The following KANK1 variants were observed in gnomAD, a reference collection of about 807,000 sequenced individuals.
The protein encoded by KANK1 is KN motif and ankyrin repeat domains 1.
A neutral mutation model predicts 106.2 loss-of-function variants in KANK1; 109 were observed. The ratio of observed to expected loss-of-function variants is 1.03; its 90% CI spans 0.88 to 1.20. The LOEUF (loss-of-function observed/expected upper bound fraction) is 1.20, where lower values mean the gene tolerates loss of function less well. Ranked by LOEUF, KANK1 falls within the 50% of genes most tolerant of loss-of-function variation. The pLI is 0.00. For missense variants in KANK1, 2,399 were observed against 1,710.7 expected, an observed-to-expected ratio of 1.40 and a Z score of -7.10; for synonymous variants, 873 against 652.2, an observed-to-expected ratio of 1.34 and a Z score of -5.16.
At chr9:560,480 T>C (rs1816101684) in intron 1 of KANK1, among the ~76,000 whole-genome samples, 2 of 152,156 alleles carry the variant, frequency 1.3e-5, no homozygotes, top group Admixed American at 1.3e-4. Context: ...GGTACAGGAA[T>C]TGAAGGTTGG....
Position 683,946 on chromosome 9 carries a change from G to A in KANK1, c.37+6937G>A, listed in dbSNP as rs114980203. 3.7e-3 allele frequency among the ~76,000 whole-genome samples: 557 copies of A among 152,246 alleles called. 9 individuals are homozygous for A. Among genetic ancestry groups the A allele is most frequent in the African/African-American group, 0.013 (545 of 41,536 alleles). On this transcript the variant is annotated intron_variant, in intron 2 of 11. Transcript: ENST00000382297. ...TAGTGGTGGTGTTTGAGAAGATAAT[G>A]TAACTACTTCTTAGATTTCAATTTC...
intron 2 of KANK1, among the ~76,000 whole-genome samples, chr9:697,653 A>T (rs555333418): frequency 6.6e-6 from 1 of 152,262 alleles, no homozygotes; most frequent in Admixed American, 6.5e-5. Context: ...TTCCTTGTAT[A>T]TATTAGTTGG....
At chr9:633,564 A>G (rs1272005824) in intron 1 of KANK1, among the ~76,000 whole-genome samples, 2 of 152,192 alleles carry the variant, frequency 1.3e-5, no homozygotes, top group Non-Finnish European at 2.9e-5. Context: ...CTGTCTGTCC[A>G]TAGCATTGTA....
intron 1 of KANK1, among the ~76,000 whole-genome samples, chr9:559,234 A>T (rs549965210): frequency 6.6e-6 from 1 of 152,182 alleles, no homozygotes; most frequent in Admixed American, 6.5e-5. Flanking sequence ...AGTTAATGGT[A>T]GTTGCCATTT....
rs763953622 is a variant in KANK1 at position 738,376 on chromosome 9, C to A, written c.3425C>A (p.Ala1142Asp). Reference sequence around the variant, plus strand: ...GCCATGGTGGGGGACTACATAGCTGCTTTTGAGGCCATTTCCCCAGATGTC... The same window carrying A: ...GCCATGGTGGGGGACTACATAGCTGATTTTGAGGCCATTTCCCCAGATGTC... ...IPAMVGDYIAAFEAISPDVLR... is the reference protein window; with the variant it reads ...IPAMVGDYIADFEAISPDVLR... The change falls in exon 8 of 12, where the codon GCT (alanine) becomes GAT (aspartate). Residue 1142 changes from alanine (A) to aspartate (D), a missense_variant. Transcript: ENST00000382297. 4 of 1,614,116 alleles carry A rather than the reference C, an allele frequency of 2.5e-6. No homozygotes were observed. In the Admixed American group the frequency reaches 5.0e-5, roughly 20 times the overall value.
intron 1 of KANK1, among the ~76,000 whole-genome samples, chr9:669,355 T>G (rs767509576): frequency 6.6e-6 from 1 of 152,220 alleles, no homozygotes; most frequent in Non-Finnish European, 1.5e-5. Flanking sequence ...TTTTTTCATT[T>G]CAGATTGAAG....
At chr9:743,703 A>C (rs1836348035) in intron 10 of KANK1, among the ~76,000 whole-genome samples, 1 of 148,116 alleles carries the variant, frequency 6.8e-6, no homozygotes, top group Non-Finnish European at 1.5e-5. Context: ...CCATCTCTAC[A>C]AAAAAAAAAT....
chr9:615,465 A>G lies in KANK1; in HGVS notation c.-83-61425A>G, dbSNP rs1831582184. Among the ~76,000 whole-genome samples, 5 of 152,140 alleles carry G rather than the reference A, an allele frequency of 3.3e-5. No homozygotes were observed. In the South Asian group the frequency reaches 1.0e-3, roughly 32 times the overall value. On this transcript the variant is annotated intron_variant, in intron 1 of 11. Transcript: ENST00000382297. ...TGATGGTTTGAGTACCCACATTTTA[A>G]AATTATGCTAGTTAAGAAGAGGGGG... is the stretch of plus-strand genomic sequence containing the variant.
intron 3 of KANK1, among the ~76,000 whole-genome samples, chr9:474,964 C>T (rs767683698): frequency 1.4e-4 from 21 of 152,068 alleles, no homozygotes; most frequent in Non-Finnish European, 2.6e-4. Flanking sequence ...AGGAGAGGGC[C>T]CCCCACCCTG....
chr9:557,742 C>T (rs1815207670), intron 1 of KANK1, among the ~76,000 whole-genome samples: 1 of 152,180 alleles, frequency 6.6e-6, no homozygotes, highest in African/African-American at 2.4e-5. Flanking sequence ...GTAAAAGGAC[C>T]TGTACGGCCA....
At chr9:517,826 C>T (rs1387950510) in intron 1 of KANK1, among the ~76,000 whole-genome samples, 5 of 150,388 alleles carry the variant, frequency 3.3e-5, no homozygotes, top group African/African-American at 9.9e-5. Flanking sequence ...GGACCCTCCG[C>T]CTCCCAGGTT....
intron 7 of KANK1, among the ~76,000 whole-genome samples, chr9:735,542 T>G (rs565220291): frequency 1.1e-4 from 16 of 152,324 alleles, no homozygotes; most frequent in African/African-American, 3.4e-4. Flanking sequence ...TTGACAGCTG[T>G]CTTTTTTATT....
chr9:635,694 C>CTTTTTTTTT (rs1162836319), intron 1 of KANK1, among the ~76,000 whole-genome samples: 267 of 103,316 alleles, frequency 2.6e-3, no homozygotes, highest in East Asian at 3.9e-3. Context: ...CCTTTTTATT[C>CTTTTTTTTT]TTTTTTTTTT....
intron 9 of KANK1, among the ~76,000 whole-genome samples, chr9:741,752 G>C (rs1835622915): frequency 6.6e-6 from 1 of 152,084 alleles, no homozygotes; most frequent in Admixed American, 6.5e-5. Context: ...CTCCTGAAGT[G>C]CTGGGATTAC....
intron 3 of KANK1, among the ~76,000 whole-genome samples, chr9:475,319 T>G (rs541450378): frequency 6.6e-6 from 1 of 152,202 alleles, no homozygotes; most frequent in Non-Finnish European, 1.5e-5. Flanking sequence ...ACTGCACATA[T>G]GGACAGCCCA....
chr9:729,429 G>A (rs570492017), intron 3 of KANK1, among the ~76,000 whole-genome samples: 2 of 152,308 alleles, frequency 1.3e-5, no homozygotes, highest in Admixed American at 1.3e-4. Context: ...GAAGATGGGG[G>A]AAGAAAGGTA....
chr9:529,910 A>G (rs772909309), intron 1 of KANK1, among the ~76,000 whole-genome samples: 34 of 152,214 alleles, frequency 2.2e-4, no homozygotes, highest in Non-Finnish European at 4.0e-4. Context: ...CAAGGCATGA[A>G]AGCACTTGTT....
At chr9:567,495 G>T (rs1238951083) in intron 1 of KANK1, among the ~76,000 whole-genome samples, 1 of 152,220 alleles carries the variant, frequency 6.6e-6, no homozygotes, top group Admixed American at 6.5e-5. Context: ...AATGACGAAG[G>T]ACAACTTGGA....
At chr9:720,794 C>T (rs114207891) in intron 3 of KANK1, among the ~76,000 whole-genome samples, 3,099 of 152,246 alleles carry the variant, frequency 0.02, 109 homozygotes, top group African/African-American at 0.07. Flanking sequence ...CACTCCCAGC[C>T]TGTAATTACT....
Sources: allele counts gnomAD v4.1 joint callset (sites outside exome capture counted in the v4.1 genomes callset), GRCh38; gene constraint gnomAD v4.1.1; transcripts MANE v1.5; gene names NCBI Gene and HGNC (gene_info 2026-07-23, HGNC 2026-07-21).